Variants in COL25A1 observed in about 807,000 individuals in gnomAD.
COL25A1 encodes the protein collagen alpha-1(XXV) chain.
COL25A1 carries 103 observed loss-of-function variants against 128.4 expected under a neutral mutation model. That is an observed-to-expected ratio of 0.80 (90% CI 0.68 to 0.94). The LOEUF is 0.94. COL25A1 is among the 40% of genes least tolerant of loss of function. The probability of loss-of-function intolerance (pLI) is 0.00; values close to 1 mark genes in which losing one functional copy is unlikely to be tolerated. For synonymous variants in COL25A1, 279 were observed against 277.2 expected (o/e 1.01, Z -0.06); for missense variants, 745 against 840.0 (o/e 0.89, Z 1.40).
chr4:108,831,683 A>AGG (rs1328181256), intron 32 of COL25A1, among the ~76,000 whole-genome samples: 10 of 94,328 alleles, frequency 1.1e-4, no homozygotes, highest in Non-Finnish European at 1.8e-4. Context: ...AAAGAGAGAG[A>AGG]GGGGGAGAGA....
chr4:109,297,921 T>C (rs974038761), intron 3 of COL25A1, among the ~76,000 whole-genome samples: 9 of 141,950 alleles, frequency 6.3e-5, no homozygotes, highest in African/African-American at 1.8e-4. Flanking sequence ...CATAGGGAAG[T>C]TCATTAGTTT....
chr4:109,212,590 G>T (rs1777660187), intron 3 of COL25A1, among the ~76,000 whole-genome samples: 1 of 152,094 alleles, frequency 6.6e-6, no homozygotes, highest in South Asian at 2.1e-4. Context: ...ATGATATGAA[G>T]ACAGTATGCC....
At chr4:109,078,380 T>C (rs539488706) in intron 3 of COL25A1, among the ~76,000 whole-genome samples, 1 of 152,356 alleles carries the variant, frequency 6.6e-6, no homozygotes, top group East Asian at 1.9e-4. Context: ...TTTTTGAGGT[T>C]ATCTATCATA....
At chr4:109,245,904 G>A (rs889653550) in intron 3 of COL25A1, among the ~76,000 whole-genome samples, 2 of 151,838 alleles carry the variant, frequency 1.3e-5, no homozygotes, top group Admixed American at 6.6e-5. Context: ...GGGTTAGGCC[G>A]GCTGATGGAA....
chr4:109,227,222 T>C (rs1297352536), intron 3 of COL25A1, among the ~76,000 whole-genome samples: 1 of 151,910 alleles, frequency 6.6e-6, no homozygotes, highest in Admixed American at 6.6e-5. Flanking sequence ...AGAGTCAACA[T>C]TGTGATAACG....
At chr4:109,083,835 A>C (rs1348415312) in intron 3 of COL25A1, among the ~76,000 whole-genome samples, 1 of 152,170 alleles carries the variant, frequency 6.6e-6, no homozygotes, top group Non-Finnish European at 1.5e-5. Flanking sequence ...TCCACAAAGA[A>C]AGATATAAAG....
At chr4:109,196,337 G>A (rs1776039536) in intron 3 of COL25A1, among the ~76,000 whole-genome samples, 1 of 151,980 alleles carries the variant, frequency 6.6e-6, no homozygotes, top group African/African-American at 2.4e-5. Flanking sequence ...TTTCCACATA[G>A]TTTATAGTGT....
At chr4:109,158,614 T>C (rs1474027482) in intron 3 of COL25A1, among the ~76,000 whole-genome samples, 2 of 152,140 alleles carry the variant, frequency 1.3e-5, no homozygotes, top group East Asian at 3.9e-4. Context: ...AGACTATCCA[T>C]AAAGGGGACA....
At chr4:108,896,858 C>T in intron 15 of COL25A1, 147 bp from the exon 16 acceptor site, 1 of 691,482 alleles carries the variant, frequency 1.4e-6, no homozygotes, top group Non-Finnish European at 2.5e-6. Context: ...TTATACTTGA[C>T]CAGTTGTCTG....
chr4:108,856,552 G>C (rs188035794), intron 24 of COL25A1, among the ~76,000 whole-genome samples: 1 of 152,024 alleles, frequency 6.6e-6, no homozygotes, highest in Non-Finnish European at 1.5e-5. Flanking sequence ...TTTTATGAGG[G>C]ACTCAATTCA....
chr4:109,201,960 T>A (rs758865253), intron 3 of COL25A1, among the ~76,000 whole-genome samples: 9 of 152,156 alleles, frequency 5.9e-5, no homozygotes, highest in Non-Finnish European at 1.0e-4. Flanking sequence ...ACCAAACTGG[T>A]GAAAGACATC....
intron 5 of COL25A1, among the ~76,000 whole-genome samples, chr4:109,035,338 T>G (rs1383605637): frequency 6.6e-6 from 1 of 152,214 alleles, no homozygotes. Context: ...AAGTGTATTA[T>G]AAATCATTGA....
chr4:108,946,703 G>A (rs909904526), intron 8 of COL25A1, among the ~76,000 whole-genome samples: 1 of 151,924 alleles, frequency 6.6e-6, no homozygotes, highest in Non-Finnish European at 1.5e-5. Flanking sequence ...AGAAGTTGGC[G>A]GGGGGGCTAC....
chr4:108,955,154 TAAGGGACTGTC>T (rs1167686214), intron 8 of COL25A1, among the ~76,000 whole-genome samples: 3 of 152,096 alleles, frequency 2.0e-5, no homozygotes, highest in Admixed American at 2.0e-4. Context: ...TATTTTCACA[TAAGGGACTGTC>T]AATCATTCTA....
intron 3 of COL25A1, among the ~76,000 whole-genome samples, chr4:109,272,107 G>A (rs1782236631): frequency 6.6e-6 from 1 of 151,948 alleles, no homozygotes; most frequent in Admixed American, 6.6e-5. Context: ...ATGGTGGTGT[G>A]TACCTGTAGT....
chr4:109,031,055 G>A (rs1001295718), intron 5 of COL25A1, among the ~76,000 whole-genome samples: 14 of 151,564 alleles, frequency 9.2e-5, no homozygotes, highest in African/African-American at 1.9e-4. Context: ...CCTTTATGCC[G>A]TGTGTTTCAG....
chr4:108,830,942 C>G (rs1578476210), intron 32 of COL25A1, among the ~76,000 whole-genome samples: 1 of 152,236 alleles, frequency 6.6e-6, no homozygotes, highest in Non-Finnish European at 1.5e-5. Flanking sequence ...CTTCAGAAGT[C>G]ATTGGTTTGA....
At chr4:109,128,228 A>T (rs1057292329) in intron 3 of COL25A1, among the ~76,000 whole-genome samples, 6 of 152,180 alleles carry the variant, frequency 3.9e-5, no homozygotes, top group African/African-American at 1.4e-4. Context: ...CCCACCAAAC[A>T]GATCTGCTGG....
intron 3 of COL25A1, among the ~76,000 whole-genome samples, chr4:109,138,833 G>A (rs1253615056): frequency 3.3e-5 from 5 of 151,874 alleles, no homozygotes; most frequent in African/African-American, 7.3e-5. Context: ...TCAGCCTCCC[G>A]AGTAGCTGGG....
Sources: allele counts gnomAD v4.1 joint callset (sites outside exome capture counted in the v4.1 genomes callset), GRCh38; gene constraint gnomAD v4.1.1; transcripts MANE v1.5; gene names NCBI Gene and HGNC (gene_info 2026-07-23, HGNC 2026-07-21).